The following GALK2 variants were observed in gnomAD, a reference collection of about 807,000 sequenced individuals.
GALK2 encodes the protein galactokinase 2.
A neutral mutation model predicts 52.4 loss-of-function variants in GALK2; 36 were observed. The observed-to-expected ratio is 0.69, with a 90% confidence interval of 0.53 to 0.91. GALK2 has a LOEUF of 0.91. GALK2 is among the 40% of genes least tolerant of loss of function. The pLI is 0.00. For synonymous variants in GALK2, 176 were observed against 199.1 expected, an observed-to-expected ratio of 0.88 and a Z score of 0.98; for missense variants, 579 against 559.1, an observed-to-expected ratio of 1.04 and a Z score of -0.36.
Position 49,303,510 on chromosome 15 carries a change from A to G in GALK2, c.967+10973A>G, listed in dbSNP as rs75783367. On this transcript the variant is annotated intron_variant, in intron 8 of 9. Coordinates refer to ENST00000560031, the MANE Select transcript of GALK2 (RefSeq NM_002044.4). ...GGCCAGCAGAGAAGTAACAATGTGC[A>G]TGAACTGCCGTGGCACCAGCTGCTC... Among the ~76,000 whole-genome samples the G allele has an allele frequency of 3.0e-4, 45 of 152,338 alleles. No individual in the cohort carries two copies. In the East Asian group the frequency reaches 8.3e-3, roughly 28 times the overall value.
chr15:49,351,348 C>A (rs924460447), intron 3 of GALK2, among the ~76,000 whole-genome samples: 1 of 152,124 alleles, frequency 6.6e-6, no homozygotes, highest in South Asian at 2.1e-4. Context: ...CTGGAAGATA[C>A]GGAAAGAAGA....
intron 3 of GALK2, among the ~76,000 whole-genome samples, chr15:49,337,507 AC>A (rs2039941840): frequency 8.7e-5 from 2 of 22,990 alleles, no homozygotes; most frequent in African/African-American, 3.6e-4. Context: ...TCATTTACCC[AC>A]TTTTTTTTTT....
chr15:49,357,792 A>T (rs2043436511), intron 3 of GALK2, among the ~76,000 whole-genome samples: 1 of 152,112 alleles, frequency 6.6e-6, no homozygotes, highest in Non-Finnish European at 1.5e-5. Context: ...AAAAAAAGAG[A>T]ATTTTAGACC....
chr15:49,202,290 C>T (rs535505033), intron 2 of GALK2, among the ~76,000 whole-genome samples: 3 of 152,304 alleles, frequency 2.0e-5, no homozygotes, highest in South Asian at 4.2e-4. Flanking sequence ...CAGGCGTGAG[C>T]CTCCACACCT....
chr15:49,305,257 A>T (rs956281221), intron 8 of GALK2, among the ~76,000 whole-genome samples: 1 of 152,134 alleles, frequency 6.6e-6, no homozygotes, highest in Non-Finnish European at 1.5e-5. Flanking sequence ...AAAAATAATG[A>T]CCTATTGTAT....
chr15:49,191,387 GT>G (rs2086712203), intron 1 of GALK2, among the ~76,000 whole-genome samples: 1 of 152,146 alleles, frequency 6.6e-6, no homozygotes, highest in Non-Finnish European at 1.5e-5. Flanking sequence ...GTTTGCTGAT[GT>G]GGAACTTTAG....
At chr15:49,218,703 T>G (rs1290314310) in intron 3 of GALK2, among the ~76,000 whole-genome samples, 2 of 152,214 alleles carry the variant, frequency 1.3e-5, no homozygotes, top group Non-Finnish European at 2.9e-5. Flanking sequence ...TAATGGACAT[T>G]TAGATCATTC....
intron 7 of GALK2, among the ~76,000 whole-genome samples, chr15:49,285,695 C>T (rs188625198): frequency 1.8e-4 from 27 of 152,294 alleles, no homozygotes; most frequent in East Asian, 5.8e-4. Flanking sequence ...ATTTTTCCAT[C>T]GGTCCCATCA....
At chr15:49,228,691 T>A (rs868440856) in intron 3 of GALK2, among the ~76,000 whole-genome samples, 113 of 26,198 alleles carry the variant, frequency 4.3e-3, no homozygotes, top group Admixed American at 7.0e-3. Flanking sequence ...ATATATATTT[T>A]TTTTTTTTTT....
At chr15:49,223,451 G>A (rs1170808039) in intron 3 of GALK2, among the ~76,000 whole-genome samples, 2 of 152,132 alleles carry the variant, frequency 1.3e-5, no homozygotes, top group Admixed American at 1.3e-4. Context: ...TAATGGTGAT[G>A]TTTGGGGTAC....
chr15:49,266,457 A>T (rs1023333416), intron 5 of GALK2, among the ~76,000 whole-genome samples: 5 of 152,188 alleles, frequency 3.3e-5, no homozygotes, highest in African/African-American at 4.8e-5. Context: ...CAGAAACCTA[A>T]GTGTCGTTAA....
At chr15:49,315,429 G>A (rs558190586) in intron 8 of GALK2, among the ~76,000 whole-genome samples, 13 of 152,260 alleles carry the variant, frequency 8.5e-5, no homozygotes, top group African/African-American at 3.1e-4. Flanking sequence ...AGTTGTTATG[G>A]ATAAAGCTTC....
chr15:49,246,480 G>A (rs927711591), intron 5 of GALK2, among the ~76,000 whole-genome samples: 2 of 152,104 alleles, frequency 1.3e-5, no homozygotes, highest in Non-Finnish European at 2.9e-5. Flanking sequence ...GAGAAGTATA[G>A]GGTTGAGCTG....
intron 1 of GALK2, among the ~76,000 whole-genome samples, chr15:49,183,862 AAG>A (rs1389788798): frequency 3.3e-5 from 5 of 152,066 alleles, no homozygotes; most frequent in African/African-American, 1.2e-4. Context: ...AAAAAAAAAA[AAG>A]GACTAGTTTT....
chr15:49,350,169 T>A (rs2042043231), intron 3 of GALK2, among the ~76,000 whole-genome samples: 1 of 152,224 alleles, frequency 6.6e-6, no homozygotes, highest in Non-Finnish European at 1.5e-5. Flanking sequence ...TTGTTCATAG[T>A]ACTTTCTGTG....
At chr15:49,190,318 C>T (rs974836359) in intron 1 of GALK2, among the ~76,000 whole-genome samples, 4 of 152,148 alleles carry the variant, frequency 2.6e-5, no homozygotes, top group East Asian at 3.9e-4. Flanking sequence ...TCGCAAATTG[C>T]GTCTGGTGGA....
intron 8 of GALK2, among the ~76,000 whole-genome samples, chr15:49,301,529 A>G (rs1176073124): frequency 6.6e-6 from 1 of 152,138 alleles, no homozygotes; most frequent in Non-Finnish European, 1.5e-5. Context: ...AGGCAGATGT[A>G]TCAAGCGTAT....
chr15:49,167,752 A>T (rs1038001668), upstream of GALK2, among the ~76,000 whole-genome samples: 4 of 152,240 alleles, frequency 2.6e-5, no homozygotes, highest in Non-Finnish European at 4.4e-5. Flanking sequence ...TTTCTATCCC[A>T]TAAGGATTGT....
intron 2 of GALK2, among the ~76,000 whole-genome samples, chr15:49,215,948 C>T (rs191476657): frequency 1.4e-4 from 21 of 152,312 alleles, no homozygotes; most frequent in African/African-American, 4.1e-4. Flanking sequence ...ATGGGCATAT[C>T]GGCACAAGGA....
Sources: allele counts gnomAD v4.1 joint callset (sites outside exome capture counted in the v4.1 genomes callset), GRCh38; gene constraint gnomAD v4.1.1; transcripts MANE v1.5; gene names NCBI Gene and HGNC (gene_info 2026-07-23, HGNC 2026-07-21).